LAMA2: variants seen among roughly 807,000 people sequenced by gnomAD.
LAMA2 encodes laminin subunit alpha 2, also known as laminin subunit alpha-2.
Under a neutral mutation model 364.8 loss-of-function variants are expected in LAMA2, and 269 were observed. That is an observed-to-expected ratio of 0.74 (90% confidence interval 0.67 to 0.82). The LOEUF (loss-of-function observed/expected upper bound fraction) is 0.82, where lower values mean the gene tolerates loss of function less well. Ranked by LOEUF, LAMA2 falls within the 40% of genes least tolerant of loss-of-function variation. LAMA2 has a pLI of 0.00. For synonymous variants in LAMA2, 1,379 were observed against 1,370.6 expected (o/e 1.01, Z -0.14); for missense variants, 3,807 against 3,873.2 (o/e 0.98, Z 0.45).
At chr6:129,092,282 A>G (rs115504663) in intron 3 of LAMA2, among the ~76,000 whole-genome samples, 2 of 152,170 alleles carry the variant, frequency 1.3e-5, no homozygotes, top group African/African-American at 4.8e-5. Context: ...AGAGCTGATA[A>G]TTGTATTGGC....
chr6:129,074,358 A>G (rs914632722), intron 3 of LAMA2, among the ~76,000 whole-genome samples: 5 of 152,210 alleles, frequency 3.3e-5, no homozygotes, highest in African/African-American at 1.2e-4. Flanking sequence ...ATCCTAGCTG[A>G]CTTCATAGCC....
At chr6:129,379,801 T>C (rs1778580452) in intron 34 of LAMA2, among the ~76,000 whole-genome samples, 2 of 152,170 alleles carry the variant, frequency 1.3e-5, no homozygotes, top group African/African-American at 4.8e-5. Context: ...TCTGAGCTTC[T>C]AAAAAATGCC....
chr6:129,315,983 CA>C, intron 26 of LAMA2, 33 bp downstream of exon 26: 5 of 1,613,328 alleles, frequency 3.1e-6, no homozygotes, highest in Non-Finnish European at 4.2e-6. Flanking sequence ...GCAAAGATAC[CA>C]ATCAATGGTT....
chr6:128,923,580 T>A lies in LAMA2; in HGVS notation c.112+40223T>A, dbSNP rs147642797. 2.0e-3 allele frequency among the ~76,000 whole-genome samples: 299 copies of A among 152,220 alleles called. 1 individual carries two copies. Among genetic ancestry groups the A allele is most frequent in the African/African-American group, 6.8e-3 (284 of 41,538 alleles). On this transcript the variant is annotated intron_variant, in intron 1 of 64. Coordinates refer to ENST00000421865, the MANE Select transcript of LAMA2 (RefSeq NM_000426.4). ...AAAAGGGGATAGTATATCCAATATATTTAATACAGAAAGGATGAAGATATA... is the reference window on the plus strand; with the variant it reads ...AAAAGGGGATAGTATATCCAATATAATTAATACAGAAAGGATGAAGATATA...
chr6:129,457,184 G>A (rs1478306187), intron 48 of LAMA2, among the ~76,000 whole-genome samples: 1 of 152,094 alleles, frequency 6.6e-6, no homozygotes, highest in Non-Finnish European at 1.5e-5. Flanking sequence ...TGAAAAGCCA[G>A]GGTGACCCCA....
At chr6:129,029,382 G>T (rs1158745314) in intron 1 of LAMA2, among the ~76,000 whole-genome samples, 1 of 151,954 alleles carries the variant, frequency 6.6e-6, no homozygotes, top group Non-Finnish European at 1.5e-5. Flanking sequence ...AGGAATTTTA[G>T]TCAAGTGTTA....
intron 1 of LAMA2, among the ~76,000 whole-genome samples, chr6:129,004,575 A>G (rs1187460150): frequency 6.6e-6 from 1 of 152,174 alleles, no homozygotes. Context: ...GGACTGCTAA[A>G]TGATCACAGC....
chr6:129,369,576 C>G (rs773032468), intron 33 of LAMA2, among the ~76,000 whole-genome samples: 1 of 152,020 alleles, frequency 6.6e-6, no homozygotes, highest in Non-Finnish European at 1.5e-5. Flanking sequence ...TTTTAACTGT[C>G]TTCAAGACAG....
At chr6:129,221,132 C>T (rs1386211462) in intron 12 of LAMA2, among the ~76,000 whole-genome samples, 2 of 147,676 alleles carry the variant, frequency 1.4e-5, no homozygotes, top group Non-Finnish European at 3.0e-5. Context: ...CACTGCACTC[C>T]AGCCTGGGAG....
intron 1 of LAMA2, among the ~76,000 whole-genome samples, chr6:128,898,429 A>G (rs1441657323): frequency 6.6e-6 from 1 of 152,174 alleles, no homozygotes; most frequent in Non-Finnish European, 1.5e-5. Context: ...CACCCCTTGA[A>G]TCAAATTTGA....
At chr6:129,407,680 C>A (rs1418710825) in intron 40 of LAMA2, among the ~76,000 whole-genome samples, 5 of 152,214 alleles carry the variant, frequency 3.3e-5, no homozygotes, top group Non-Finnish European at 7.3e-5. Context: ...CTTCTGCAAG[C>A]ACCTCAGCGG....
intron 1 of LAMA2, among the ~76,000 whole-genome samples, chr6:128,954,935 A>C (rs1325578683): frequency 1.3e-5 from 2 of 151,898 alleles, no homozygotes; most frequent in African/African-American, 4.8e-5. Context: ...TGTCAGAAGA[A>C]GAATGTAATT....
intron 48 of LAMA2, 138 bp from the exon 49 acceptor site, chr6:129,460,062 G>A (rs1353245706): frequency 1.4e-5 from 11 of 808,292 alleles, no homozygotes. Context: ...ATGAAAAGAT[G>A]AATATGTACA....
At chr6:129,192,517 A>G (rs764232894) in intron 11 of LAMA2, among the ~76,000 whole-genome samples, 163 bp from the exon 12 acceptor site, 17 of 152,198 alleles carry the variant, frequency 1.1e-4, no homozygotes, top group South Asian at 1.0e-3. Flanking sequence ...TACATATAAT[A>G]TGTCTAATGA....
chr6:128,979,857 C>G lies in LAMA2; in HGVS notation c.113-70061C>G, dbSNP rs561228578. Among the ~76,000 whole-genome samples the G allele has an allele frequency of 3.3e-5, 5 of 152,138 alleles. No homozygotes were observed. In the South Asian group the frequency reaches 1.0e-3, roughly 32 times the overall value. ...AATTTCTTTGAGTAATCTCAGAAAA[C>G]TTTTTTATGCTAAAGTGATTCATTT... On this transcript the variant is annotated intron_variant, in intron 1 of 64. Transcript: ENST00000421865.
At chr6:129,165,505 A>T (rs2114992967) in intron 8 of LAMA2, 71 bp from the exon 9 acceptor site, 1 of 952,740 alleles carries the variant, frequency 1.0e-6, no homozygotes, top group Admixed American at 2.0e-5. Flanking sequence ...TTGTCTATAA[A>T]AGTTTGCTGA....
At chr6:129,015,264 T>A (rs1043459538) in intron 1 of LAMA2, among the ~76,000 whole-genome samples, 5 of 152,090 alleles carry the variant, frequency 3.3e-5, no homozygotes, top group Non-Finnish European at 7.4e-5. Flanking sequence ...GATATCAATG[T>A]CTGCTCTGAG....
chr6:129,503,352 G>A, intron 60 of LAMA2, 72 bp downstream of exon 60: 2 of 1,431,958 alleles, frequency 1.4e-6, no homozygotes, highest in Non-Finnish European at 2.0e-6. Context: ...TTCTCCTGGT[G>A]CCAGTATATT....
At chr6:129,376,521 C>T (rs746291473) in intron 34 of LAMA2, among the ~76,000 whole-genome samples, 1 of 152,170 alleles carries the variant, frequency 6.6e-6, no homozygotes, top group African/African-American at 2.4e-5. Flanking sequence ...CCCCTGACTT[C>T]CCTTAGGCTC....
Sources: gnomAD v4.1 joint callset for allele counts (sites outside exome capture counted in the v4.1 genomes callset) on GRCh38, gnomAD v4.1.1 for gene constraint, MANE v1.5 for transcripts, NCBI Gene and HGNC (gene_info 2026-07-23, HGNC 2026-07-21) for gene names.